Variants in RNF149 observed in about 807,000 individuals in gnomAD.
The protein encoded by RNF149 is E3 ubiquitin-protein ligase RNF149.
A neutral mutation model predicts 39.0 loss-of-function variants in RNF149; 21 were observed. The ratio of observed to expected loss-of-function variants is 0.54; its 90% CI spans 0.38 to 0.77. The LOEUF is 0.77. Among genes scored for constraint, RNF149 ranks in the 30% least tolerant of loss-of-function variants. The pLI is 0.00. For missense variants in RNF149, 493 were observed against 534.9 expected (o/e 0.92, Z 0.77); for synonymous variants, 209 against 213.6 (o/e 0.98, Z 0.19).
At chr2:101,299,754 G>C (rs189321214) in intron 1 of RNF149, among the ~76,000 whole-genome samples, 4 of 152,218 alleles carry the variant, frequency 2.6e-5, no homozygotes, top group Non-Finnish European at 5.9e-5. Flanking sequence ...GGAAGAACAC[G>C]TTCACATTTA....
rs199517676 is a variant in RNF149, at chr2:101,276,573, AAAT to A, written c.*662_*664del. 1.1e-3 allele frequency: 1,083 copies of A among 985,822 alleles called. 11 individuals are homozygous for A. The African/African-American group carries it at 0.018, about 16-fold the overall frequency. The allele number at this position is 985,822 out of a possible 1,614,324, so 61.1% of individuals were successfully genotyped here. ...ATCTTAGCTTTTTATTTGTAGGAAA[AAAT>A]AAACAGATTTCCCTCCCCAACAAGG... On this transcript the variant is annotated 3_prime_UTR_variant, in exon 7 of 7. Transcript: ENST00000295317.
At chr2:101,275,118 T>TG (rs1189531379), downstream of RNF149, among the ~76,000 whole-genome samples, 1 of 121,170 alleles carries the variant, frequency 8.3e-6, no homozygotes. Flanking sequence ...TCTGTTTTTT[T>TG]TTTTTTTTTT....
chr2:101,276,861 T>C lies in RNF149; in HGVS notation c.*377A>G, dbSNP rs1682363302. ...AATTATACAATTCCACTTCAACTAG[T>C]CTAACATTGATGTGCTTTGCCAAAA... On this transcript the variant is annotated 3_prime_UTR_variant, in exon 7 of 7. Coordinates refer to ENST00000295317, the MANE Select transcript of RNF149 (RefSeq NM_173647.4). The C allele has an allele frequency of 9.9e-7, 1 of 1,013,954 alleles. No individual in the cohort carries two copies. Among genetic ancestry groups the C allele is most frequent in the African/African-American group, 1.7e-5 (1 of 57,490 alleles). The allele number at this position is 1,013,954 out of a possible 1,614,324, so 62.8% of individuals were successfully genotyped here.
chr2:101,298,888 G>A (rs1260050758), intron 1 of RNF149, among the ~76,000 whole-genome samples: 1 of 152,164 alleles, frequency 6.6e-6, no homozygotes, highest in Non-Finnish European at 1.5e-5. Flanking sequence ...GGTGGCTTAC[G>A]CCTATAATCC....
At position 101,301,725 on chromosome 2, in the gene RNF149, GT is replaced by G. The variant is rs547048445; in HGVS notation, c.460+6403del. 1.1e-3 allele frequency among the ~76,000 whole-genome samples: 171 copies of G among 152,132 alleles called. 1 individual carries two copies. Among genetic ancestry groups the G allele is most frequent in the African/African-American group, 3.9e-3 (161 of 41,520 alleles). ...TTGTTTCATTTTTTCAAATTTCTGT[GT>G]TCCTCTTATCACCTTGTCAAAATAA... On this transcript the variant is annotated intron_variant, in intron 1 of 6. Coordinates refer to ENST00000295317, the MANE Select transcript of RNF149 (RefSeq NM_173647.4).
At position 101,276,117 on chromosome 2, in the gene RNF149, T is replaced by G. The variant is rs545753214; in HGVS notation, c.*1121A>C. 228 of 938,470 alleles carry G rather than the reference T, an allele frequency of 2.4e-4. No individual in the cohort carries two copies. Among genetic ancestry groups the G allele is most frequent in the Admixed American group, 4.3e-4 (7 of 16,206 alleles). 58.1% of individuals were successfully genotyped at this position (938,470 alleles called of 1,614,324 possible). A position where few individuals can be genotyped will look rare whatever the true frequency, so the allele number is the denominator to read the frequency against. Reference sequence around the variant, plus strand: ...TTTTAAATAAACATTTATTTTTACCTACAAAGTAAAGATATACAGAATAAC... The same window carrying G: ...TTTTAAATAAACATTTATTTTTACCGACAAAGTAAAGATATACAGAATAAC... On this transcript the variant is annotated 3_prime_UTR_variant, in exon 7 of 7. Transcript: ENST00000295317.
downstream of RNF149, chr2:101,273,197 T>C (rs1245547419): frequency 3.5e-6 from 4 of 1,145,400 alleles, no homozygotes; most frequent in African/African-American, 1.6e-5. Flanking sequence ...AGAACGCCAG[T>C]CCAGACACCG....
Position 101,294,089 on chromosome 2 carries a change from T to A in RNF149, c.712-7A>T. ...TAGTTTCTTTTCTATGGCTCTTGGG[T>A]AGGAAAATATTAATACAGTTATTGA... On this transcript the variant is annotated splice_polypyrimidine_tract_variant and splice_region_variant and intron_variant, in intron 2 of 6. Coordinates refer to ENST00000295317, the MANE Select transcript of RNF149 (RefSeq NM_173647.4). The A allele has an allele frequency of 6.8e-7, 1 of 1,473,422 alleles. No individual in the cohort carries two copies. Among genetic ancestry groups the A allele is most frequent in the South Asian group, 1.2e-5 (1 of 86,264 alleles). 91.3% of individuals were successfully genotyped at this position (1,473,422 alleles called of 1,614,324 possible).
chr2:101,300,930 C>T (rs182768515), intron 1 of RNF149, among the ~76,000 whole-genome samples: 3 of 152,306 alleles, frequency 2.0e-5, no homozygotes, highest in Admixed American at 6.5e-5. Flanking sequence ...TCCGATGCAT[C>T]GCCGCCTCTC....
chr2:101,284,346 G>A (rs774866004), intron 5 of RNF149, among the ~76,000 whole-genome samples: 3 of 152,142 alleles, frequency 2.0e-5, no homozygotes, highest in African/African-American at 2.4e-5. Context: ...TTGGGAGGCT[G>A]AGGCGGGTGG....
At chr2:101,292,601 C>T (rs1258100180) in intron 3 of RNF149, among the ~76,000 whole-genome samples, 2 of 152,072 alleles carry the variant, frequency 1.3e-5, no homozygotes, top group Admixed American at 1.3e-4. Context: ...TCCGTCTCTA[C>T]TAAAAATACA....
chr2:101,278,026 C>A (rs1682416666), intron 6 of RNF149, among the ~76,000 whole-genome samples: 1 of 151,794 alleles, frequency 6.6e-6, no homozygotes, highest in Admixed American at 6.6e-5. Context: ...TACTGAAATC[C>A]AGACAGTTGC....
Position 101,308,560 on chromosome 2 carries a change from A to T in RNF149, c.29T>A (p.Val10Asp). The T allele has an allele frequency of 6.3e-7, 1 of 1,581,180 alleles. No homozygotes were observed. Among genetic ancestry groups the T allele is most frequent in the Non-Finnish European group, 8.6e-7 (1 of 1,167,864 alleles). MAWRRREAS[V>D]GARGVLALAL... Reference sequence around the variant, plus strand: ...CAGAGCCAACACGCCGCGAGCCCCGACGCTGGCTTCGCGCCGCCGCCACGC... The same window carrying T: ...CAGAGCCAACACGCCGCGAGCCCCGTCGCTGGCTTCGCGCCGCCGCCACGC... Residue 10 changes from valine to aspartate, a missense_variant, in exon 1 of 7, where the codon GTC (valine) becomes GAC (aspartate). Transcript: ENST00000295317.
At chr2:101,288,779 A>C (rs1314235880) in intron 4 of RNF149, 194 bp downstream of exon 4, 15 of 508,440 alleles carry the variant, frequency 3.0e-5, no homozygotes, top group Non-Finnish European at 4.9e-5. Context: ...AGTGTCACCT[A>C]AGAATCTCCT....
At chr2:101,303,146 GCT>G (rs566982622) in intron 1 of RNF149, among the ~76,000 whole-genome samples, 8 of 152,086 alleles carry the variant, frequency 5.3e-5, no homozygotes, top group Non-Finnish European at 7.4e-5. Flanking sequence ...ACAGAGTCTT[GCT>G]CTGTCACCCA....
At chr2:101,273,143 G>A, downstream of RNF149, 1 of 1,344,610 alleles carries the variant, frequency 7.4e-7, no homozygotes. Context: ...AGTGGTGTGT[G>A]TTTTTACACC....
At chr2:101,286,244 G>A in intron 4 of RNF149, 67 bp from the exon 5 acceptor site, 2 of 927,552 alleles carry the variant, frequency 2.2e-6, no homozygotes, top group Non-Finnish European at 3.5e-6. Flanking sequence ...AAGGAAATAA[G>A]ACATTGTACC....
chr2:101,276,712 C>G lies in RNF149; in HGVS notation c.*526G>C. ...GTGCTCTCAGGTTTTGAAATCTTCA[C>G]ATACACTACAGATGGGCAAAAAAGC... On this transcript the variant is annotated 3_prime_UTR_variant, in exon 7 of 7. Transcript: ENST00000295317. The G allele has an allele frequency of 5.1e-6, 5 of 985,662 alleles. No homozygotes were observed. Among genetic ancestry groups the G allele is most frequent in the Non-Finnish European group, 6.0e-6 (5 of 830,136 alleles). 61.1% of individuals were successfully genotyped at this position (985,662 alleles called of 1,614,324 possible). A position where few individuals can be genotyped will look rare whatever the true frequency, so the allele number is the denominator to read the frequency against.
At chr2:101,300,508 T>C (rs1040283105) in intron 1 of RNF149, among the ~76,000 whole-genome samples, 3 of 152,178 alleles carry the variant, frequency 2.0e-5, no homozygotes, top group Non-Finnish European at 4.4e-5. Context: ...GAAATTATTA[T>C]TTTTTAAAAA....
Sources: allele counts gnomAD v4.1 joint callset (sites outside exome capture counted in the v4.1 genomes callset), GRCh38; gene constraint gnomAD v4.1.1; transcripts MANE v1.5; gene names NCBI Gene and HGNC (gene_info 2026-07-23, HGNC 2026-07-21).